Variants in TMEM59 observed in about 807,000 individuals in gnomAD.
The protein encoded by TMEM59 is dendritic cell factor 1.
In TMEM59, 44 loss-of-function variants were observed where a neutral mutation model predicts 42.2. The ratio of observed to expected loss-of-function variants is 1.04; its 90% CI spans 0.82 to 1.34. TMEM59 has a LOEUF of 1.34. Among genes scored for constraint, TMEM59 ranks in the 40% most tolerant of loss-of-function variants. The probability of loss-of-function intolerance (pLI) is 0.00; values close to 1 mark genes in which losing one functional copy is unlikely to be tolerated. For missense variants in TMEM59, 359 were observed against 382.8 expected (o/e 0.94, Z 0.52); for synonymous variants, 148 against 145.8 (o/e 1.02, Z -0.11).
intron 5 of TMEM59, 106 bp from the exon 6 acceptor site, chr1:54,040,943 T>C: frequency 1.2e-6 from 1 of 867,334 alleles, no homozygotes; most frequent in Middle Eastern, 3.5e-4. Flanking sequence ...ATTGTTTTTG[T>C]TTGTGTCATC....
At chr1:54,037,009 C>CAAGT (rs1656975782) in intron 6 of TMEM59, among the ~76,000 whole-genome samples, 1 of 152,064 alleles carries the variant, frequency 6.6e-6, no homozygotes, top group African/African-American at 2.4e-5. Flanking sequence ...ATATATAAGG[C>CAAGT]AAGTGAAAGT....
rs1474050171 is a variant in TMEM59 at position 54,031,935 on chromosome 1, A to G, written c.*215T>C. On this transcript the variant is annotated 3_prime_UTR_variant, in exon 8 of 8. Coordinates refer to ENST00000234831, the MANE Select transcript of TMEM59 (RefSeq NM_004872.5). ...AAACAAAATAGCTACAGATATTAGT[A>G]AAATAATAATACAATCCCAAACATC... The G allele has an allele frequency of 2.4e-6, 1 of 411,824 alleles. No individual in the cohort carries two copies. Among genetic ancestry groups the G allele is most frequent in the Non-Finnish European group, 4.1e-6 (1 of 241,514 alleles). The allele number at this position is 411,824 out of a possible 1,614,324, so 25.5% of individuals were successfully genotyped here.
In TMEM59 at chr1:54,030,368, A is replaced by G. The variant is rs901157082; in HGVS notation, c.*1782T>C. ...GCCTGACTAAGGAAACTAAGTATGCACTAATGATGGGAGACGAAACAACAG... is the reference window on the plus strand; with the variant it reads ...GCCTGACTAAGGAAACTAAGTATGCGCTAATGATGGGAGACGAAACAACAG... On this transcript the variant is annotated 3_prime_UTR_variant, in exon 8 of 8. Coordinates refer to ENST00000234831, the MANE Select transcript of TMEM59 (RefSeq NM_004872.5). 6.6e-6 allele frequency: 1 copy of G among 152,104 alleles called. No homozygotes were observed. The highest frequency in any genetic ancestry group is 1.5e-5 in the Non-Finnish European group (1 of 68,020). The allele number at this position is 152,104 out of a possible 1,614,324, so 9.4% of individuals were successfully genotyped here. A position where few individuals can be genotyped will look rare whatever the true frequency, so the allele number is the denominator to read the frequency against.
At chr1:54,047,161 C>T (rs1351183466) in intron 2 of TMEM59, 106 bp downstream of exon 2, 3 of 832,590 alleles carry the variant, frequency 3.6e-6, no homozygotes, top group Non-Finnish European at 5.5e-6. Flanking sequence ...TGTTAGATGA[C>T]TAGTTTCAAC....
chr1:54,050,010 T>C (rs990736615), intron 1 of TMEM59, among the ~76,000 whole-genome samples: 1 of 152,208 alleles, frequency 6.6e-6, no homozygotes, highest in Non-Finnish European at 1.5e-5. Context: ...AGATAAATTA[T>C]GCAATTGCAC....
chr1:54,040,959 C>G (rs969964826), intron 5 of TMEM59, 122 bp from the exon 6 acceptor site: 5 of 719,234 alleles, frequency 7.0e-6, no homozygotes, highest in Non-Finnish European at 9.5e-6. Flanking sequence ...TCATCTGATA[C>G]ATTTTATAAT....
chr1:54,033,623 A>C (rs1331165530), intron 7 of TMEM59: 2 of 151,386 alleles, frequency 1.3e-5, no homozygotes, highest in African/African-American at 4.9e-5. Flanking sequence ...AAAAAAAAAA[A>C]ATGGTATAGA....
Position 54,031,480 on chromosome 1 carries a change from A to G in TMEM59, c.*670T>C, listed in dbSNP as rs887407582. On this transcript the variant is annotated 3_prime_UTR_variant, in exon 8 of 8. Coordinates refer to ENST00000234831, the MANE Select transcript of TMEM59 (RefSeq NM_004872.5). ...AAATAGTTCTTTGGAAACACTCATC[A>G]AACAAAAACCTATAGCCTGTGCAAA... 6.6e-6 allele frequency: 1 copy of G among 152,484 alleles called. No individual in the cohort carries two copies. The highest frequency in any genetic ancestry group is 1.5e-5 in the Non-Finnish European group (1 of 68,036). 9.4% of individuals were successfully genotyped at this position (152,484 alleles called of 1,614,324 possible). A position where few individuals can be genotyped will look rare whatever the true frequency, so the allele number is the denominator to read the frequency against.
intron 6 of TMEM59, among the ~76,000 whole-genome samples, chr1:54,037,716 A>G (rs549083920): frequency 1.1e-3 from 161 of 152,380 alleles, no homozygotes; most frequent in Admixed American, 1.9e-3. Flanking sequence ...GTCTGCCAGC[A>G]AAAGAGGTGG....
chr1:54,041,712 A>G lies in TMEM59; in HGVS notation c.625+12T>C. The G allele has an allele frequency of 1.2e-6, 2 of 1,608,642 alleles. No homozygotes were observed. Among genetic ancestry groups the G allele is most frequent in the Non-Finnish European group, 1.7e-6 (2 of 1,176,116 alleles). On this transcript the variant is annotated intron_variant, in intron 5 of 7. Transcript: ENST00000234831. ...TAATGTTTTTATCTAAGCTACTTAA[A>G]ATAAAACTTACAGGACATTTTGCTT... is the stretch of plus-strand genomic sequence containing the variant.
In TMEM59 at chr1:54,032,408, A is replaced by G. The variant is rs1052851241; in HGVS notation, c.817-103T>C. 9 of 1,139,694 alleles carry G rather than the reference A, an allele frequency of 7.9e-6. No homozygotes were observed. In the African/African-American group the frequency reaches 1.1e-4, roughly 14 times the overall value. The allele number at this position is 1,139,694 out of a possible 1,614,324, so 70.6% of individuals were successfully genotyped here. On this transcript the variant is annotated intron_variant, in intron 7 of 7. Coordinates refer to ENST00000234831, the MANE Select transcript of TMEM59 (RefSeq NM_004872.5). ...AATTTATAAATAGTTGGTAAAAAAA[A>G]TTCTATAAACAACTTTAAGAAAGAA...
In TMEM59 at chr1:54,045,749, A is replaced by G; in HGVS notation, c.333T>C (p.Tyr111=). 1 of 1,614,146 alleles carries G rather than the reference A, an allele frequency of 6.2e-7. No individual in the cohort carries two copies. The highest frequency in any genetic ancestry group is 1.1e-5 in the South Asian group (1 of 91,086). ...TEAYSQSDEQ[Y]ACHLGCQNQL... is the part of the protein sequence containing the mutation. ...GATTCTGGCAACCAAGATGGCAAGC[A>G]TATTGCTCATCAGATTGGGAATATG... The change falls in exon 3 of 8, where the codon TAT becomes TAC. Residue 111 remains tyrosine (Y), a synonymous_variant. Coordinates refer to ENST00000234831, the MANE Select transcript of TMEM59 (RefSeq NM_004872.5).
At chr1:54,037,815 G>A (rs549011406) in intron 6 of TMEM59, among the ~76,000 whole-genome samples, 18 of 152,266 alleles carry the variant, frequency 1.2e-4, no homozygotes, top group African/African-American at 4.1e-4. Flanking sequence ...AGTAAAATAT[G>A]TTTTTAATGA....
rs1231004270 is a variant in TMEM59 at position 54,027,450 on chromosome 1, T to C, written c.*4700A>G. On this transcript the variant is annotated 3_prime_UTR_variant, in exon 8 of 8. Coordinates refer to ENST00000234831, the MANE Select transcript of TMEM59 (RefSeq NM_004872.5). ...AAAAAAGTTTGAAACAAATAAGTCA[T>C]TAATATCACAGGAAGAGAGTACTTA... is the stretch of plus-strand genomic sequence containing the variant. 6.6e-6 allele frequency: 1 copy of C among 152,154 alleles called. No homozygotes were observed. The highest frequency in any genetic ancestry group is 1.5e-5 in the Non-Finnish European group (1 of 68,024). 9.4% of individuals were successfully genotyped at this position (152,154 alleles called of 1,614,324 possible).
intron 7 of TMEM59, 101 bp downstream of exon 7, chr1:54,036,505 CTCTT>C (rs1656953937): frequency 6.5e-6 from 5 of 767,716 alleles, no homozygotes; most frequent in Non-Finnish European, 9.9e-6. Context: ...CACATCTTCT[CTCTT>C]TCTATTAGTA....
chr1:54,034,512 A>G (rs7528837), intron 7 of TMEM59: 19,715 of 152,092 alleles, frequency 0.13, 2,954 homozygotes, highest in African/African-American at 0.37. Flanking sequence ...AGTGGCTCAC[A>G]CCTGTAATCC....
Position 54,028,222 on chromosome 1 carries a change from C to T in TMEM59, c.*3928G>A, listed in dbSNP as rs1177000747. 1.3e-5 allele frequency: 2 copies of T among 152,112 alleles called. No individual in the cohort carries two copies. Among genetic ancestry groups the T allele is most frequent in the African/African-American group, 4.8e-5 (2 of 41,396 alleles). The allele number at this position is 152,112 out of a possible 1,614,324, so 9.4% of individuals were successfully genotyped here. ...TGTGACCAGGACTCAGAGACCAGTC[C>T]TAGGTTTACCATCCAGACAACAATG... On this transcript the variant is annotated 3_prime_UTR_variant, in exon 8 of 8. Coordinates refer to ENST00000234831, the MANE Select transcript of TMEM59 (RefSeq NM_004872.5).
rs759133703 is a variant in TMEM59, at chr1:54,032,182, T to C, written c.940A>G (p.Thr314Ala). Residue 314 changes from threonine (T) to alanine (A), a missense_variant, in exon 8 of 8, where the codon ACA becomes GCA. Transcript: ENST00000234831. The stretch of plus-strand genomic sequence containing the variant: ...TCAGAATGAGCAAGATTCACTTTTG[T>C]AGGTAGAGGCCCTGCTTCTTCATGA... ...EDHEEAGPLP[T>A]KVNLAHSEI 1.9e-6 allele frequency: 3 copies of C among 1,611,518 alleles called. No individual in the cohort carries two copies. The highest frequency in any genetic ancestry group is 2.2e-5 in the South Asian group (2 of 90,754).
chr1:54,027,931 GTCTTTACCACTGTAC>G lies in TMEM59; in HGVS notation c.*4204_*4218del, dbSNP rs1366686150. 6.6e-6 allele frequency: 1 copy of G among 152,172 alleles called. No homozygotes were observed. Among genetic ancestry groups the G allele is most frequent in the African/African-American group, 2.4e-5 (1 of 41,408 alleles). 9.4% of individuals were successfully genotyped at this position (152,172 alleles called of 1,614,324 possible). A position where few individuals can be genotyped will look rare whatever the true frequency, so the allele number is the denominator to read the frequency against. On this transcript the variant is annotated 3_prime_UTR_variant, in exon 8 of 8. Transcript: ENST00000234831. Reference sequence around the variant, plus strand: ...GAAGACTAAATTTCCCGCTATCCCTGTCTTTACCACTGTACTCACCCCCACCCTAGACTCTAGTGT... The same window carrying G: ...GAAGACTAAATTTCCCGCTATCCCTGTCACCCCCACCCTAGACTCTAGTGT...
Sources: allele counts gnomAD v4.1 joint callset (sites outside exome capture counted in the v4.1 genomes callset), GRCh38; gene constraint gnomAD v4.1.1; transcripts MANE v1.5; gene names NCBI Gene and HGNC (gene_info 2026-07-23, HGNC 2026-07-21).